BRIP1: variants seen among roughly 807,000 people sequenced by gnomAD.
BRIP1 encodes BRCA1 interacting DNA helicase 1.
Under a neutral mutation model 119.7 loss-of-function variants are expected in BRIP1, and 88 were observed. That is an observed-to-expected ratio of 0.74 (90% CI 0.62 to 0.88). The LOEUF (loss-of-function observed/expected upper bound fraction) is 0.88. Ranked by LOEUF, BRIP1 falls within the 40% of genes least tolerant of loss-of-function variation. The pLI, the probability that BRIP1 is intolerant of heterozygous loss-of-function variation, is 0.00. For synonymous variants in BRIP1, 443 were observed against 496.5 expected, an observed-to-expected ratio of 0.89 and a Z score of 1.43; for missense variants, 1,259 against 1,455.4, an observed-to-expected ratio of 0.87 and a Z score of 2.20.
intron 6 of BRIP1, among the ~76,000 whole-genome samples, chr17:61,821,517 A>C (rs1391868724): frequency 6.7e-6 from 1 of 148,286 alleles, no homozygotes; most frequent in Non-Finnish European, 1.5e-5. Flanking sequence ...TGTATTTTTT[A>C]CCTTTTTATT....
At chr17:61,737,915 T>A (rs1201042871) in intron 16 of BRIP1, among the ~76,000 whole-genome samples, 1 of 152,170 alleles carries the variant, frequency 6.6e-6, no homozygotes, top group Non-Finnish European at 1.5e-5. Context: ...CTTCCTTGAC[T>A]TTGAGATTGT....
At chr17:61,837,644 G>C in intron 6 of BRIP1, among the ~76,000 whole-genome samples, 1 of 152,152 alleles carries the variant, frequency 6.6e-6, no homozygotes, top group South Asian at 2.1e-4. Context: ...AATAAATCTA[G>C]AGAAAATGAT....
At chr17:61,765,345 T>C (rs1347366345) in intron 14 of BRIP1, among the ~76,000 whole-genome samples, 1 of 114,384 alleles carries the variant, frequency 8.7e-6, no homozygotes, top group Admixed American at 9.7e-5. Flanking sequence ...CATATACACA[T>C]ACATATGTAT....
rs951235725 is a variant in BRIP1, at chr17:61,745,512, G to A, written c.2098-921C>T. ...GCCTCCTGAGTAGCTGGGACTACAG[G>A]TGCATGCCACTACACCCAGCTAATT... On this transcript the variant is annotated intron_variant, in intron 14 of 19. Transcript: ENST00000259008. The surrounding 1 kb of genome is among the most constrained non-coding windows in gnomAD (Gnocchi z 4.4). Among the ~76,000 whole-genome samples the A allele has an allele frequency of 2.6e-5, 4 of 152,094 alleles. No individual in the cohort carries two copies. Among genetic ancestry groups the A allele is most frequent in the Admixed American group, 6.6e-5 (1 of 15,264 alleles).
chr17:61,684,961 G>A lies in BRIP1; in HGVS notation c.2906-821C>T, dbSNP rs975363899. ...GTAGAGACGGTGTTTCACCACACTG[G>A]TCAGGCTGGTCTCGGACTCCTGACC... On this transcript the variant is annotated intron_variant, in intron 19 of 19. Transcript: ENST00000259008. The surrounding 1 kb of genome is among the most constrained non-coding windows in gnomAD (Gnocchi z 4.5). 1 of 152,050 alleles carries A rather than the reference G, an allele frequency of 6.6e-6. No homozygotes were observed. Among genetic ancestry groups the A allele is most frequent in the Non-Finnish European group, 1.5e-5 (1 of 68,032 alleles). The allele number at this position is 152,050 out of a possible 1,614,324, so 9.4% of individuals were successfully genotyped here.
Position 61,801,489 on chromosome 17 carries a change from G to A in BRIP1, c.919-15C>T, listed in dbSNP as rs2145343466. ...CAGGATTTTCCCTAGAAACAAATAT[G>A]CATAACTGAAATGTGAACCAATATT... is the stretch of plus-strand genomic sequence containing the variant. On this transcript the variant is annotated splice_polypyrimidine_tract_variant and intron_variant, in intron 7 of 19. Coordinates refer to ENST00000259008, the MANE Select transcript of BRIP1 (RefSeq NM_032043.3). 1.3e-6 allele frequency: 2 copies of A among 1,554,502 alleles called. No individual in the cohort carries two copies. Among genetic ancestry groups the A allele is most frequent in the Non-Finnish European group, 1.8e-6 (2 of 1,126,380 alleles).
chr17:61,702,723 T>C lies in BRIP1; in HGVS notation c.2493-9211A>G, dbSNP rs73328530. ...AGTCTACTATCAATAGGCATTTAGG[T>C]TGATTCCACGTCTTTGCTACTGTGA... is the stretch of plus-strand genomic sequence containing the variant. On this transcript the variant is annotated intron_variant, in intron 17 of 19. Transcript: ENST00000259008. Among the ~76,000 whole-genome samples the C allele has an allele frequency of 4.3e-3, 649 of 152,348 alleles. 8 individuals carry two copies. The highest frequency in any genetic ancestry group is 0.015 in the African/African-American group (608 of 41,568).
chr17:61,702,082 C>A (rs28409395), intron 17 of BRIP1, among the ~76,000 whole-genome samples: 5,037 of 152,138 alleles, frequency 0.033, 325 homozygotes, highest in African/African-American at 0.12. Flanking sequence ...TTGGTTAATA[C>A]CCAGAGTTTT....
Position 61,762,229 on chromosome 17 carries a change from C to A in BRIP1, c.2097+14172G>T, listed in dbSNP as rs558709767. The stretch of plus-strand genomic sequence containing the variant: ...AGAATGAAAATGGACCCTTATCTCA[C>A]AATATTTAAAAAAAAACTCAAAATG... On this transcript the variant is annotated intron_variant, in intron 14 of 19. Transcript: ENST00000259008. This position sits in a 1 kb window ranked among gnomAD's most constrained non-coding sequence, Gnocchi z 4.3. Among the ~76,000 whole-genome samples, 1 of 151,772 alleles carries A rather than the reference C, an allele frequency of 6.6e-6. No individual in the cohort carries two copies. The highest frequency in any genetic ancestry group is 2.1e-4 in the South Asian group (1 of 4,808).
chr17:61,684,236 T>G lies in BRIP1; in HGVS notation c.2906-96A>C. On this transcript the variant is annotated intron_variant, in intron 19 of 19. Coordinates refer to ENST00000259008, the MANE Select transcript of BRIP1 (RefSeq NM_032043.3). The surrounding 1 kb of genome is among the most constrained non-coding windows in gnomAD (Gnocchi z 4.5). Reference sequence around the variant, plus strand: ...TATTTATTAGAAATACCTAAATAACTGTATAGGATACATAACTTAGAGCCC... The same window carrying G: ...TATTTATTAGAAATACCTAAATAACGGTATAGGATACATAACTTAGAGCCC... 1 of 1,367,500 alleles carries G rather than the reference T, an allele frequency of 7.3e-7. No homozygotes were observed. The highest frequency in any genetic ancestry group is 1.0e-6 in the Non-Finnish European group (1 of 999,212). The allele number at this position is 1,367,500 out of a possible 1,614,324, so 84.7% of individuals were successfully genotyped here.
rs1437344120 is a variant in BRIP1 at position 61,734,186 on chromosome 17, C to G, written c.2379+8827G>C. On this transcript the variant is annotated intron_variant, in intron 16 of 19. Transcript: ENST00000259008. This position sits in a 1 kb window ranked among gnomAD's most constrained non-coding sequence, Gnocchi z 5.2. ...TGCCTCAATTATAAAGCTGAATACTCCTGTGGTTGTTAGATCACAGTAATT... is the reference window on the plus strand; with the variant it reads ...TGCCTCAATTATAAAGCTGAATACTGCTGTGGTTGTTAGATCACAGTAATT... Among the ~76,000 whole-genome samples the G allele has an allele frequency of 6.6e-6, 1 of 152,144 alleles. No homozygotes were observed. The highest frequency in any genetic ancestry group is 1.9e-4 in the East Asian group (1 of 5,194).
rs2078242091 is a variant in BRIP1 at position 61,816,708 on chromosome 17, C to A, written c.628-7951G>T. Among the ~76,000 whole-genome samples, 1 of 151,888 alleles carries A rather than the reference C, an allele frequency of 6.6e-6. No homozygotes were observed. The highest frequency in any genetic ancestry group is 1.5e-5 in the Non-Finnish European group (1 of 67,998). The stretch of plus-strand genomic sequence containing the variant: ...TGAGTCTCAAAGCAGTGATGAGTCA[C>A]ACCGATCAACTTCATGAGAAAAACC... On this transcript the variant is annotated intron_variant, in intron 6 of 19. Transcript: ENST00000259008. The surrounding 1 kb of genome is among the most constrained non-coding windows in gnomAD (Gnocchi z 5.0).
In BRIP1 at chr17:61,693,653, AGC is replaced by A; in HGVS notation, c.2493-143_2493-142del. On this transcript the variant is annotated intron_variant, in intron 17 of 19. Coordinates refer to ENST00000259008, the MANE Select transcript of BRIP1 (RefSeq NM_032043.3). The surrounding 1 kb of genome is among the most constrained non-coding windows in gnomAD (Gnocchi z 4.2). Reference sequence around the variant, plus strand: ...TTGTTATTATCAGAAAAGTTACAGAAGCTATCCAACACAATGTAACAAACTAG... The same window carrying A: ...TTGTTATTATCAGAAAAGTTACAGAATATCCAACACAATGTAACAAACTAG... 1 of 723,798 alleles carries A rather than the reference AGC, an allele frequency of 1.4e-6. No homozygotes were observed. Among genetic ancestry groups the A allele is most frequent in the Non-Finnish European group, 2.4e-6 (1 of 425,398 alleles). 44.8% of individuals were successfully genotyped at this position (723,798 alleles called of 1,614,324 possible).
At chr17:61,707,991 C>T (rs1020513191) in intron 17 of BRIP1, among the ~76,000 whole-genome samples, 22 of 151,880 alleles carry the variant, frequency 1.4e-4, no homozygotes, top group African/African-American at 4.4e-4. Flanking sequence ...GGATTACAGG[C>T]GTGCGCCACC....
In BRIP1 at chr17:61,859,794, AC is replaced by A. The variant is rs1057517648; in HGVS notation, c.205+1del. The A allele has an allele frequency of 6.3e-7, 1 of 1,597,848 alleles. No homozygotes were observed. On this transcript the variant is annotated splice_donor_variant, in intron 3 of 19. Transcript: ENST00000259008. LOFTEE classifies it high-confidence loss of function. ...ACCTGAAGATATCAAGCAACTACTT[AC>A]CACTAAGAGATTGTTGCCATGCTAA... is the stretch of plus-strand genomic sequence containing the variant.
chr17:61,737,872 G>A (rs930604179), intron 16 of BRIP1, among the ~76,000 whole-genome samples: 4 of 152,166 alleles, frequency 2.6e-5, no homozygotes, highest in African/African-American at 9.7e-5. Flanking sequence ...TAAGTCCTTT[G>A]CCATGTGCGG....
Position 61,794,614 on chromosome 17 carries a change from A to G in BRIP1, c.1341-885T>C, listed in dbSNP as rs1366254276. ...GGCTTAATACCTGGGTGATGAAATA[A>G]TATGTACAACAAACCCCCATAACAT... On this transcript the variant is annotated intron_variant, in intron 9 of 19. Coordinates refer to ENST00000259008, the MANE Select transcript of BRIP1 (RefSeq NM_032043.3). This position sits in a 1 kb window ranked among gnomAD's most constrained non-coding sequence, Gnocchi z 4.3. Among the ~76,000 whole-genome samples the G allele has an allele frequency of 2.0e-5, 3 of 151,920 alleles. No homozygotes were observed. Among genetic ancestry groups the G allele is most frequent in the African/African-American group, 4.8e-5 (2 of 41,366 alleles).
At position 61,844,999 on chromosome 17, in the gene BRIP1, C is replaced by T. The variant is rs993696645; in HGVS notation, c.627+2102G>A. On this transcript the variant is annotated intron_variant, in intron 6 of 19. Transcript: ENST00000259008. The surrounding 1 kb of genome is among the most constrained non-coding windows in gnomAD (Gnocchi z 4.7). ...CATATGCTATTCTAGGCATGAGGGA[C>T]ACACATGAAAAAGACTGACATTACA... Among the ~76,000 whole-genome samples the T allele has an allele frequency of 1.3e-5, 2 of 152,084 alleles. No individual in the cohort carries two copies. Among genetic ancestry groups the T allele is most frequent in the Non-Finnish European group, 2.9e-5 (2 of 68,022 alleles).
At chr17:61,779,614 T>C (rs1204344747) in intron 13 of BRIP1, among the ~76,000 whole-genome samples, 3 of 151,714 alleles carry the variant, frequency 2.0e-5, no homozygotes, top group Admixed American at 2.0e-4. Context: ...AGCAAAACCT[T>C]GTCTCAAAAA....
Sources: gnomAD v4.1 joint callset for allele counts (sites outside exome capture counted in the v4.1 genomes callset) on GRCh38, gnomAD v4.1.1 for gene constraint, Gnocchi (gnomAD v3.1) non-coding constraint, MANE v1.5 for transcripts, NCBI Gene and HGNC (gene_info 2026-07-23, HGNC 2026-07-21) for gene names.